JUP: variants seen among roughly 807,000 people sequenced by gnomAD.
JUP encodes the protein catenin (cadherin-associated protein), gamma 80kDa.
JUP carries 28 observed loss-of-function variants against 71.1 expected under a neutral mutation model. The ratio of observed to expected loss-of-function variants is 0.39; its 90% confidence interval spans 0.29 to 0.54. JUP has a LOEUF of 0.54. Ranked by LOEUF, JUP falls within the 20% of genes least tolerant of loss-of-function variation. JUP has a pLI of 0.62. For synonymous variants in JUP, 401 were observed against 438.9 expected, an observed-to-expected ratio of 0.91 and a Z score of 1.08; for missense variants, 869 against 1,030.1, an observed-to-expected ratio of 0.84 and a Z score of 2.14.
At chr17:41,759,482 C>A (rs75889789) in intron 8 of JUP, among the ~76,000 whole-genome samples, 1 of 151,492 alleles carries the variant, frequency 6.6e-6, no homozygotes, top group African/African-American at 2.4e-5. Flanking sequence ...TTAACCACCC[C>A]CCACAGACAC....
chr17:41,784,418 CCAGT>C (rs1555611211), intron 1 of JUP, among the ~76,000 whole-genome samples: 1 of 152,114 alleles, frequency 6.6e-6, no homozygotes, highest in African/African-American at 2.4e-5. Flanking sequence ...ATCCCCCAGT[CCAGT>C]CAGTGGCCAG....
chr17:41,760,765 TG>T (rs1483162194), intron 8 of JUP, among the ~76,000 whole-genome samples: 1 of 151,752 alleles, frequency 6.6e-6, no homozygotes, highest in Non-Finnish European at 1.5e-5. Flanking sequence ...CTTACTATGT[TG>T]GCCAGGCTGG....
intron 10 of JUP, among the ~76,000 whole-genome samples, 198 bp from the exon 11 acceptor site, chr17:41,757,982 C>T (rs1914136519): frequency 6.6e-6 from 1 of 152,180 alleles, no homozygotes; most frequent in Non-Finnish European, 1.5e-5. Context: ...ACCTGTGACT[C>T]TGCCTCATCT....
At chr17:41,764,889 C>A (rs1555603302) in intron 6 of JUP, 34 bp downstream of exon 6, 2 of 1,613,938 alleles carry the variant, frequency 1.2e-6, no homozygotes, top group Admixed American at 1.7e-5. Flanking sequence ...GGCAGAGCTC[C>A]CACCCCAGCC....
rs140537908 is a variant in JUP at position 41,763,153 on chromosome 17, G to A, written c.1327C>T (p.Leu443=). 1.2e-6 allele frequency: 2 copies of A among 1,614,128 alleles called. No homozygotes were observed. Among genetic ancestry groups the A allele is most frequent in the Middle Eastern group, 1.6e-4 (1 of 6,084 alleles). The part of the protein sequence containing the change: ...SGVEALIHAI[L]RAGDKDDITE... ...ATGTCGTCCTTGTCACCAGCACGCA[G>A]GATGGCATGGATGAGAGCCTCCACA... Residue 443 remains leucine, a synonymous_variant, in exon 8 of 14, where the codon CTG becomes TTG. Transcript: ENST00000393931.
chr17:41,761,340 G>A (rs1914775869), intron 8 of JUP, among the ~76,000 whole-genome samples: 1 of 152,186 alleles, frequency 6.6e-6, no homozygotes, highest in Non-Finnish European at 1.5e-5. Flanking sequence ...GTTCTGGGGT[G>A]TGAGCAGGAG....
At chr17:41,759,017 A>AC (rs1252216385) in intron 8 of JUP, 147 bp from the exon 9 acceptor site, 10 of 782,272 alleles carry the variant, frequency 1.3e-5, no homozygotes, top group Non-Finnish European at 1.8e-5. Flanking sequence ...AGAGAAGGAG[A>AC]CCATCCCAGC....
intron 1 of JUP, among the ~76,000 whole-genome samples, chr17:41,781,534 A>G (rs1434421973): frequency 1.3e-5 from 2 of 152,314 alleles, no homozygotes; most frequent in East Asian, 1.9e-4. Context: ...AGACTCAACC[A>G]TGTCCCAGGA....
chr17:41,759,326 C>T (rs1444282311), intron 8 of JUP, among the ~76,000 whole-genome samples: 2 of 152,148 alleles, frequency 1.3e-5, no homozygotes, highest in African/African-American at 4.8e-5. Context: ...CCGCCTGCTT[C>T]TGCCTTCTAA....
intron 4 of JUP, 103 bp from the exon 5 acceptor site, chr17:41,767,683 T>C: frequency 1.2e-6 from 1 of 862,338 alleles, no homozygotes; most frequent in Non-Finnish European, 1.8e-6. Context: ...TCCCCGCTAC[T>C]GACGCCCCTC....
In JUP at chr17:41,757,447, G is replaced by C; in HGVS notation, c.2014C>G (p.Leu672Val). Residue 672 changes from leucine to valine, a missense_variant, in exon 12 of 14, where the codon CTC becomes GTC. Coordinates refer to ENST00000393931, the MANE Select transcript of JUP (RefSeq NM_002230.4). ...CAGGCAGCCGGGTCATGCTTGAAGAGGGAGTTGGTGAGCTCCACGGACACG... is the reference window on the plus strand; with the variant it reads ...CAGGCAGCCGGGTCATGCTTGAAGACGGAGTTGGTGAGCTCCACGGACACG... ...KRVSVELTNS[L>V]FKHDPAAWEA... 1.9e-6 allele frequency: 3 copies of C among 1,614,246 alleles called. No individual in the cohort carries two copies. The highest frequency in any genetic ancestry group is 1.7e-6 in the Non-Finnish European group (2 of 1,180,032).
chr17:41,757,858 C>T, intron 10 of JUP, 74 bp from the exon 11 acceptor site: 4 of 1,259,924 alleles, frequency 3.2e-6, no homozygotes, highest in Non-Finnish European at 4.5e-6. Context: ...CACCCCACAG[C>T]ACTGCCCACC....
rs781989984 is a variant in JUP at position 41,771,622 on chromosome 17, T to C, written c.208+25A>G. ...GGACCCAGGCAGGTTTTCTGCCCCA[T>C]GCAATAGTCCCCAGGGGTCCTGACC... On this transcript the variant is annotated intron_variant, in intron 2 of 13. Transcript: ENST00000393931. 56 of 1,607,872 alleles carry C rather than the reference T, an allele frequency of 3.5e-5. No individual in the cohort carries two copies. The African/African-American group carries it at 4.9e-4, about 14-fold the overall frequency.
In JUP at chr17:41,769,112, A is replaced by C. The variant is rs1260352222; in HGVS notation, c.564T>G (p.Ala188=). 6.2e-7 allele frequency: 1 copy of C among 1,611,544 alleles called. No individual in the cohort carries two copies. Among genetic ancestry groups the C allele is most frequent in the Admixed American group, 1.7e-5 (1 of 59,982 alleles). ...TGGTATTCTGCATGGTACGCACGAC[A>C]GCGGCCACCAGCTGGGGCGAGCCCA... ...ALMGSPQLVA[A]VVRTMQNTSD... is the part of the protein sequence containing the mutation. The change falls in exon 4 of 14, where the codon GCT becomes GCG. Residue 188 remains alanine (A), a synonymous_variant. Transcript: ENST00000393931.
In JUP at chr17:41,757,437, T is replaced by C. The variant is rs539675436; in HGVS notation, c.2024A>G (p.His675Arg). 3.7e-6 allele frequency: 6 copies of C among 1,614,260 alleles called. No homozygotes were observed. The highest frequency in any genetic ancestry group is 5.1e-6 in the Non-Finnish European group (6 of 1,180,048). Residue 675 changes from histidine (H) to arginine (R), a missense_variant, in exon 12 of 14, where the codon CAT becomes CGT. Coordinates refer to ENST00000393931, the MANE Select transcript of JUP (RefSeq NM_002230.4). Reference protein sequence around the residue: ...SVELTNSLFKHDPAAWEAAQS... With the variant: ...SVELTNSLFKRDPAAWEAAQS... ...CACAGCCTCCCAGGCAGCCGGGTCA[T>C]GCTTGAAGAGGGAGTTGGTGAGCTC...
chr17:41,770,300 CTGAGACGTCAGG>C (rs1555606323), intron 2 of JUP, among the ~76,000 whole-genome samples: 1 of 152,174 alleles, frequency 6.6e-6, no homozygotes, highest in Non-Finnish European at 1.5e-5. Context: ...GGGTCCTCAG[CTGAGACGTCAGG>C]TTCCTCTCTA....
Position 41,769,146 on chromosome 17 carries a change from C to T in JUP, c.530G>A (p.Arg177Gln), listed in dbSNP as rs371481933. The T allele has an allele frequency of 6.5e-5, 104 of 1,607,108 alleles. No individual in the cohort carries two copies. The highest frequency in any genetic ancestry group is 8.6e-5 in the Non-Finnish European group (102 of 1,179,924). Residue 177 changes from arginine to glutamine, a missense_variant, in exon 4 of 14, where the codon CGG (arginine) becomes CAG (glutamine). Coordinates refer to ENST00000393931, the MANE Select transcript of JUP (RefSeq NM_002230.4). The stretch of plus-strand genomic sequence containing the variant: ...CAGCTGGGGCGAGCCCATCAGGGCC[C>T]GCCGCGACGCCTCCTTCTTCGACAG... ...NQLSKKEASR[R>Q]ALMGSPQLVA... is the part of the protein sequence containing the mutation.
At chr17:41,782,615 GC>G (rs1470683955) in intron 1 of JUP, among the ~76,000 whole-genome samples, 2 of 152,000 alleles carry the variant, frequency 1.3e-5, no homozygotes, top group African/African-American at 4.8e-5. Context: ...ACTCACCACA[GC>G]CCTGGCCTTG....
At chr17:41,782,096 A>G (rs782119679) in intron 1 of JUP, among the ~76,000 whole-genome samples, 17 of 152,210 alleles carry the variant, frequency 1.1e-4, no homozygotes, top group African/African-American at 1.9e-4. Context: ...CGGCTGCACC[A>G]TCACATAAAG....
Sources: gnomAD v4.1 joint callset for allele counts (sites outside exome capture counted in the v4.1 genomes callset) on GRCh38, gnomAD v4.1.1 for gene constraint, MANE v1.5 for transcripts, NCBI Gene and HGNC (gene_info 2026-07-23, HGNC 2026-07-21) for gene names.